The following WNT3A variants were observed in gnomAD, a reference collection of about 807,000 sequenced individuals.
WNT3A encodes protein Wnt-3a.
A neutral mutation model predicts 37.0 loss-of-function variants in WNT3A; 17 were observed. That is an observed-to-expected ratio of 0.46 (90% CI 0.31 to 0.69). The LOEUF (loss-of-function observed/expected upper bound fraction) is 0.69. Among genes scored for constraint, WNT3A ranks in the 30% least tolerant of loss-of-function variants. The pLI, the probability that WNT3A is intolerant of heterozygous loss-of-function variation, is 0.05. For missense variants in WNT3A, 411 were observed against 510.2 expected, an observed-to-expected ratio of 0.81 and a Z score of 1.87; for synonymous variants, 187 against 211.0, an observed-to-expected ratio of 0.89 and a Z score of 0.99.
chr1:228,050,587 C>T lies in WNT3A; in HGVS notation c.314-69C>T, dbSNP rs781477699. The T allele has an allele frequency of 3.3e-5, 50 of 1,511,772 alleles. No individual in the cohort carries two copies. Among genetic ancestry groups the T allele is most frequent in the Admixed American group, 2.2e-5 (1 of 46,374 alleles). 93.6% of individuals were successfully genotyped at this position (1,511,772 alleles called of 1,614,324 possible). A position where few individuals can be genotyped will look rare whatever the true frequency, so the allele number is the denominator to read the frequency against. ...TTATAACAATGCAAATGGGCTAAGA[C>T]CCCTGACCTGCCCAAGGCGGTCCTT... On this transcript the variant is annotated intron_variant, in intron 2 of 3. Transcript: ENST00000284523. This position sits in a 1 kb window ranked among gnomAD's most constrained non-coding sequence, Gnocchi z 5.0.
In WNT3A at chr1:228,042,260, AGCC is replaced by A. The variant is rs1269697827; in HGVS notation, c.314-8395_314-8393del. On this transcript the variant is annotated intron_variant, in intron 2 of 3. Coordinates refer to ENST00000284523, the MANE Select transcript of WNT3A (RefSeq NM_033131.4). This position sits in a 1 kb window ranked among gnomAD's most constrained non-coding sequence, Gnocchi z 5.2. ...CCAAAGTGCTGGGATTACAGCTGTGAGCCACCGCGCCCAGCCTCTGGAGGATTT... is the reference window on the plus strand; with the variant it reads ...CCAAAGTGCTGGGATTACAGCTGTGAACCGCGCCCAGCCTCTGGAGGATTT... Among the ~76,000 whole-genome samples, 14 of 152,070 alleles carry A rather than the reference AGCC, an allele frequency of 9.2e-5. No individual in the cohort carries two copies. Among genetic ancestry groups the A allele is most frequent in the African/African-American group, 3.4e-4 (14 of 41,394 alleles).
At chr1:228,052,641 G>A (rs2031579509) in intron 3 of WNT3A, among the ~76,000 whole-genome samples, 1 of 152,204 alleles carries the variant, frequency 6.6e-6, no homozygotes, top group South Asian at 2.1e-4. Flanking sequence ...CTTGGCTGTA[G>A]AATCAGGGGA....
At chr1:228,048,063 GAC>G (rs2031463822) in intron 2 of WNT3A, among the ~76,000 whole-genome samples, 1 of 152,300 alleles carries the variant, frequency 6.6e-6, no homozygotes, top group Admixed American at 6.5e-5. Flanking sequence ...CCCCTATGAT[GAC>G]TCTGTTGTGA....
intron 2 of WNT3A, among the ~76,000 whole-genome samples, chr1:228,048,305 T>G (rs2031470530): frequency 6.6e-6 from 1 of 152,064 alleles, no homozygotes; most frequent in Admixed American, 6.5e-5. Context: ...GGCTCAGGAC[T>G]CTCCCACAAC....
intron 2 of WNT3A, among the ~76,000 whole-genome samples, chr1:228,043,753 C>A (rs534889443): frequency 6.6e-6 from 1 of 152,208 alleles, no homozygotes; most frequent in East Asian, 1.9e-4. Flanking sequence ...GAAATCTGAT[C>A]AAAGCAATGG....
intron 2 of WNT3A, among the ~76,000 whole-genome samples, chr1:228,044,732 G>A (rs749426117): frequency 6.6e-6 from 1 of 152,214 alleles, no homozygotes; most frequent in Non-Finnish European, 1.5e-5. Context: ...TTCCCATTGT[G>A]CTTGATAAAC....
At chr1:228,014,094 C>T (rs1267850608) in intron 1 of WNT3A, among the ~76,000 whole-genome samples, 2 of 152,174 alleles carry the variant, frequency 1.3e-5, no homozygotes, top group Admixed American at 1.3e-4. Flanking sequence ...GTGGCCCTGG[C>T]AGGTCCGCGA....
rs2031018791 is a variant in WNT3A, at chr1:228,031,842, C to A, written c.313+8934C>A. On this transcript the variant is annotated intron_variant, in intron 2 of 3. Coordinates refer to ENST00000284523, the MANE Select transcript of WNT3A (RefSeq NM_033131.4). This position sits in a 1 kb window ranked among gnomAD's most constrained non-coding sequence, Gnocchi z 4.8. Reference sequence around the variant, plus strand: ...TATACACTGCAAAAGGCCAAGAGCACCAGACTGGGCCCTGTGCCATGTGCT... The same window carrying A: ...TATACACTGCAAAAGGCCAAGAGCAACAGACTGGGCCCTGTGCCATGTGCT... Among the ~76,000 whole-genome samples the A allele has an allele frequency of 6.6e-6, 1 of 152,128 alleles. No homozygotes were observed.
rs571508941 is a variant in WNT3A at position 228,027,880 on chromosome 1, T to G, written c.313+4972T>G. 5.6e-4 allele frequency among the ~76,000 whole-genome samples: 85 copies of G among 152,346 alleles called. 1 individual carries two copies. The highest frequency in any genetic ancestry group is 2.0e-3 in the African/African-American group (82 of 41,580). ...ATGTCTAGAAGAGTTTTTCCAATGT[T>G]GTCTTCTAGAATTTTTATAGTTTCA... is the stretch of plus-strand genomic sequence containing the variant. On this transcript the variant is annotated intron_variant, in intron 2 of 3. Coordinates refer to ENST00000284523, the MANE Select transcript of WNT3A (RefSeq NM_033131.4).
In WNT3A at chr1:228,050,721, T is replaced by G; in HGVS notation, c.379T>G (p.Ser127Ala). 6.2e-7 allele frequency: 1 copy of G among 1,614,030 alleles called. No individual in the cohort carries two copies. The highest frequency in any genetic ancestry group is 1.1e-5 in the South Asian group (1 of 91,068). Residue 127 changes from serine (S) to alanine (A), a missense_variant, in exon 3 of 4, where the codon TCA (serine) becomes GCA (alanine). Ser to Ala is a moderately conservative substitution (Grantham distance 99). Coordinates refer to ENST00000284523, the MANE Select transcript of WNT3A (RefSeq NM_033131.4). This position sits in a 1 kb window ranked among gnomAD's most constrained non-coding sequence, Gnocchi z 5.0. ...SAGVAFAVTRSCAEGTAAICG... is the reference protein window; with the variant it reads ...SAGVAFAVTRACAEGTAAICG... ...CGGTGTGGCCTTTGCAGTGACACGCTCATGTGCAGAAGGCACGGCCGCCAT... is the reference window on the plus strand; with the variant it reads ...CGGTGTGGCCTTTGCAGTGACACGCGCATGTGCAGAAGGCACGGCCGCCAT...
Position 228,007,264 on chromosome 1 carries a change from C to T in WNT3A, c.71+65C>T, listed in dbSNP as rs1036462881. ...CCGCGCCCGCAGCAGACGGTCCCCT[C>T]GGGCAGGGACCCCGCGGTGGCCCGA... On this transcript the variant is annotated intron_variant, in intron 1 of 3. Transcript: ENST00000284523. The surrounding 1 kb of genome is among the most constrained non-coding windows in gnomAD (Gnocchi z 6.0). 8.6e-5 allele frequency: 129 copies of T among 1,508,674 alleles called. No homozygotes were observed. Among genetic ancestry groups the T allele is most frequent in the Admixed American group, 1.2e-4 (6 of 52,096 alleles). The allele number at this position is 1,508,674 out of a possible 1,614,324, so 93.5% of individuals were successfully genotyped here. A position where few individuals can be genotyped will look rare whatever the true frequency, so the allele number is the denominator to read the frequency against.
intron 3 of WNT3A, among the ~76,000 whole-genome samples, chr1:228,058,153 A>C (rs1164299725): frequency 2.0e-5 from 3 of 152,246 alleles, no homozygotes; most frequent in Non-Finnish European, 4.4e-5. Flanking sequence ...CCAACATGCT[A>C]TCATTTCAAT....
rs2031007554 is a variant in WNT3A, at chr1:228,031,489, T to G, written c.313+8581T>G. Among the ~76,000 whole-genome samples the G allele has an allele frequency of 6.6e-6, 1 of 151,958 alleles. No homozygotes were observed. Among genetic ancestry groups the G allele is most frequent in the African/African-American group, 2.4e-5 (1 of 41,360 alleles). The stretch of plus-strand genomic sequence containing the variant: ...AGCTCATCGAGCGTGTCCAAGGGTG[T>G]GTGTGGCGTGTGATGCATTGTGTGT... On this transcript the variant is annotated intron_variant, in intron 2 of 3. Coordinates refer to ENST00000284523, the MANE Select transcript of WNT3A (RefSeq NM_033131.4). The surrounding 1 kb of genome is among the most constrained non-coding windows in gnomAD (Gnocchi z 4.8).
chr1:228,036,398 T>C (rs1422584606), intron 2 of WNT3A, among the ~76,000 whole-genome samples: 1 of 152,052 alleles, frequency 6.6e-6, no homozygotes, highest in Non-Finnish European at 1.5e-5. Context: ...TGTGTGTGCA[T>C]GAGTGTGAAC....
rs376172054 is a variant in WNT3A, at chr1:228,053,042, G to GTC, written c.579+2137_579+2138dup. Among the ~76,000 whole-genome samples the GTC allele has an allele frequency of 9.8e-4, 148 of 151,292 alleles. 3 individuals carry two copies. In the South Asian group the frequency reaches 0.028, roughly 29 times the overall value. On this transcript the variant is annotated intron_variant, in intron 3 of 3. Transcript: ENST00000284523. The stretch of plus-strand genomic sequence containing the variant: ...GCTGTAAAAGGGCTTGCAGAAGAGG[G>GTC]TCTCTCTCTCTCTCTCTTTCTATTA...
chr1:228,041,396 A>G (rs534542583), intron 2 of WNT3A, among the ~76,000 whole-genome samples: 4 of 151,842 alleles, frequency 2.6e-5, no homozygotes, highest in African/African-American at 9.7e-5. Context: ...TCATCCATTC[A>G]TCCATCATGC....
rs900855037 is a variant in WNT3A, at chr1:228,008,275, T to TC, written c.71+1083dup. Among the ~76,000 whole-genome samples the TC allele has an allele frequency of 9.9e-5, 15 of 151,092 alleles. No individual in the cohort carries two copies. Among genetic ancestry groups the TC allele is most frequent in the South Asian group, 2.1e-4 (1 of 4,784 alleles). On this transcript the variant is annotated intron_variant, in intron 1 of 3. Coordinates refer to ENST00000284523, the MANE Select transcript of WNT3A (RefSeq NM_033131.4). The surrounding 1 kb of genome is among the most constrained non-coding windows in gnomAD (Gnocchi z 4.9). ...GAAGCCTCCCCACAAGCATGCACAC[T>TC]CCCCCCCATCCTTCTCCGACGGCAG...
chr1:228,058,562 C>G (rs1286073757), intron 3 of WNT3A, among the ~76,000 whole-genome samples: 1 of 152,238 alleles, frequency 6.6e-6, no homozygotes, highest in Non-Finnish European at 1.5e-5. Context: ...GCTCAGGACT[C>G]GTGCCTTTCC....
intron 2 of WNT3A, among the ~76,000 whole-genome samples, chr1:228,030,839 G>GT (rs1205846837): frequency 2.0e-5 from 3 of 152,244 alleles, no homozygotes; most frequent in Non-Finnish European, 4.4e-5. Context: ...CTGCTTCACA[G>GT]CCTCTGGTCA....
Sources: gnomAD v4.1 joint callset for allele counts (sites outside exome capture counted in the v4.1 genomes callset) on GRCh38, gnomAD v4.1.1 for gene constraint, Gnocchi (gnomAD v3.1) non-coding constraint, MANE v1.5 for transcripts, NCBI Gene and HGNC (gene_info 2026-07-23, HGNC 2026-07-21) for gene names.